CFAP97: variants seen among roughly 807,000 people sequenced by gnomAD.
The protein encoded by CFAP97 is cilia and flagella associated protein 97.
CFAP97 carries 36 observed loss-of-function variants against 43.1 expected under a neutral mutation model. The ratio of observed to expected loss-of-function variants is 0.84; its 90% CI spans 0.64 to 1.10. The LOEUF (loss-of-function observed/expected upper bound fraction) is 1.10. Ranked by LOEUF, CFAP97 falls within the 50% of genes least tolerant of loss-of-function variation. The pLI is 0.00. For missense variants in CFAP97, 657 were observed against 620.3 expected (o/e 1.06, Z -0.63); for synonymous variants, 228 against 225.7 (o/e 1.01, Z -0.09).
intron 3 of CFAP97, chr4:185,169,770 C>G: frequency 1.0e-6 from 1 of 985,396 alleles, no homozygotes. Flanking sequence ...TAACAACTGT[C>G]CCCCACACAG....
At chr4:185,180,201 A>G (rs1344565468) in intron 2 of CFAP97, among the ~76,000 whole-genome samples, 1 of 152,032 alleles carries the variant, frequency 6.6e-6, no homozygotes, top group Non-Finnish European at 1.5e-5. Context: ...TATACTGAGC[A>G]CTCATATTTA....
upstream of CFAP97, among the ~76,000 whole-genome samples, chr4:185,208,451 C>CG (rs1227560243): frequency 1.3e-5 from 2 of 151,986 alleles, no homozygotes; most frequent in Admixed American, 1.3e-4. Flanking sequence ...GAAATGAGGC[C>CG]GGGCGCGGTG....
chr4:185,184,555 A>G (rs941013217), intron 2 of CFAP97, among the ~76,000 whole-genome samples: 15 of 152,200 alleles, frequency 9.9e-5, no homozygotes, highest in Admixed American at 6.5e-4. Context: ...GGCTGCAGAC[A>G]TCTCCTAGCA....
At chr4:185,189,731 A>G (rs568910956) in intron 2 of CFAP97, among the ~76,000 whole-genome samples, 4 of 152,340 alleles carry the variant, frequency 2.6e-5, no homozygotes, top group South Asian at 2.1e-4. Context: ...ATTTGCCAGC[A>G]TTCTTGCCAC....
intron 2 of CFAP97, among the ~76,000 whole-genome samples, chr4:185,180,502 G>A (rs905716714): frequency 6.6e-6 from 1 of 151,996 alleles, no homozygotes; most frequent in Non-Finnish European, 1.5e-5. Context: ...TAATCATACA[G>A]CACTTATTTG....
intron 2 of CFAP97, among the ~76,000 whole-genome samples, chr4:185,182,850 A>G (rs780765038): frequency 6.6e-6 from 1 of 152,216 alleles, no homozygotes; most frequent in Admixed American, 6.5e-5. Flanking sequence ...CTGTAATCCC[A>G]GCACTTTGGG....
chr4:185,193,867 G>A (rs563916266), intron 1 of CFAP97, among the ~76,000 whole-genome samples: 19 of 126,144 alleles, frequency 1.5e-4, no homozygotes, highest in African/African-American at 4.9e-4. Context: ...CAGCCTGGGC[G>A]ACAGAGAGAG....
intron 1 of CFAP97, among the ~76,000 whole-genome samples, chr4:185,199,662 T>A (rs1736735815): frequency 6.6e-6 from 1 of 152,056 alleles, no homozygotes; most frequent in Admixed American, 6.5e-5. Context: ...GCAGCAAGAC[T>A]CTGTCCAAAA....
At chr4:185,166,011 C>T (rs1231233528) in intron 3 of CFAP97, among the ~76,000 whole-genome samples, 1 of 152,094 alleles carries the variant, frequency 6.6e-6, no homozygotes, top group African/African-American at 2.4e-5. Flanking sequence ...CATGAAGAAC[C>T]GGACAGAACC....
intron 3 of CFAP97, among the ~76,000 whole-genome samples, chr4:185,170,750 C>G (rs1344180575): frequency 6.6e-6 from 1 of 150,430 alleles, no homozygotes; most frequent in African/African-American, 2.4e-5. Context: ...TTTGAGACGC[C>G]GAGGCTGGTG....
chr4:185,170,991 A>C (rs1437870746), intron 3 of CFAP97, among the ~76,000 whole-genome samples: 1 of 38,870 alleles, frequency 2.6e-5, no homozygotes. Flanking sequence ...CTCAAAAAAA[A>C]AAAAAAAAAA....
chr4:185,206,378 T>C (rs573992173), upstream of CFAP97, among the ~76,000 whole-genome samples: 16 of 152,236 alleles, frequency 1.1e-4, 1 homozygote, highest in East Asian at 3.1e-3. Context: ...ACAGACAGAA[T>C]GGAAGATGTA....
rs1735615933 is a variant in CFAP97 at position 185,177,846 on chromosome 4, C to A, written c.1055-1795G>T. ...CAAGACTCCCATCTCAAAAATAAAA[C>A]AAAATAAATAAATAAAAAATAAATA... On this transcript the variant is annotated intron_variant, in intron 2 of 4. Coordinates refer to ENST00000458385, the MANE Select transcript of CFAP97 (RefSeq NM_020827.3). Among the ~76,000 whole-genome samples, 4 of 151,980 alleles carry A rather than the reference C, an allele frequency of 2.6e-5. No homozygotes were observed. In the South Asian group the frequency reaches 8.3e-4, roughly 32 times the overall value.
intron 2 of CFAP97, among the ~76,000 whole-genome samples, chr4:185,183,625 G>A (rs1042901131): frequency 5.9e-5 from 9 of 152,254 alleles, no homozygotes; most frequent in Middle Eastern, 3.4e-3. Context: ...TGTGTAAATC[G>A]AGCATGAATG....
chr4:185,198,635 C>T (rs1736670850), intron 1 of CFAP97, among the ~76,000 whole-genome samples: 1 of 150,976 alleles, frequency 6.6e-6, no homozygotes. Flanking sequence ...ACTAAAAATA[C>T]AAAATTAGCC....
intron 1 of CFAP97, 200 bp downstream of exon 1, chr4:185,203,698 T>TGG (rs1451144087): frequency 6.6e-6 from 1 of 152,074 alleles, no homozygotes; most frequent in Non-Finnish European, 1.5e-5. Flanking sequence ...GGGACCGGGG[T>TGG]GGAACGGCGC....
rs148402786 is a variant in CFAP97, at chr4:185,164,671, C to T, written c.1321-492G>A. 1.4e-4 allele frequency among the ~76,000 whole-genome samples: 22 copies of T among 152,220 alleles called. 1 individual carries two copies. The highest frequency in any genetic ancestry group is 4.8e-4 in the African/African-American group (20 of 41,518). ...ACCATGGCTTCAGGCTGCTAAAAGC[C>T]TAAAACAGAACAACAACAACAAACA... On this transcript the variant is annotated intron_variant, in intron 3 of 4. Transcript: ENST00000458385.
At chr4:185,188,545 T>C (rs1736101675) in intron 2 of CFAP97, among the ~76,000 whole-genome samples, 1 of 152,098 alleles carries the variant, frequency 6.6e-6, no homozygotes, top group South Asian at 2.1e-4. Context: ...GGTTTTGCCA[T>C]GTTGGCCAGG....
chr4:185,191,284 A>G (rs946727142), intron 1 of CFAP97, 72 bp from the exon 2 acceptor site: 22 of 1,082,340 alleles, frequency 2.0e-5, no homozygotes, highest in Non-Finnish European at 1.5e-5. Context: ...CAATAATTAA[A>G]TAATTTTCCC....
Sources: allele counts gnomAD v4.1 joint callset (sites outside exome capture counted in the v4.1 genomes callset), GRCh38; gene constraint gnomAD v4.1.1; transcripts MANE v1.5; gene names NCBI Gene and HGNC (gene_info 2026-07-23, HGNC 2026-07-21).